Variants in PDZRN3 observed in about 807,000 individuals in gnomAD.
PDZRN3 encodes PDZ domain containing ring finger 3, also known as E3 ubiquitin-protein ligase PDZRN3.
In PDZRN3, 38 loss-of-function variants were observed where a neutral mutation model predicts 85.7. That is an observed-to-expected ratio of 0.44 (90% confidence interval 0.34 to 0.58). The LOEUF (loss-of-function observed/expected upper bound fraction) is 0.58, where lower values mean the gene tolerates loss of function less well. Among genes scored for constraint, PDZRN3 ranks in the 20% least tolerant of loss-of-function variants. The pLI, the probability that PDZRN3 is intolerant of heterozygous loss-of-function variation, is 0.01. For missense variants in PDZRN3, 1,629 were observed against 1,506.4 expected, an observed-to-expected ratio of 1.08 and a Z score of -1.35; for synonymous variants, 759 against 638.0, an observed-to-expected ratio of 1.19 and a Z score of -2.86.
At chr3:73,389,349 T>C (rs914322829) in intron 7 of PDZRN3, among the ~76,000 whole-genome samples, 21 of 152,284 alleles carry the variant, frequency 1.4e-4, no homozygotes, top group African/African-American at 5.1e-4. Context: ...TCAGAAAATT[T>C]CTAAGACTTT....
At chr3:73,493,232 T>C (rs959534918) in intron 3 of PDZRN3, among the ~76,000 whole-genome samples, 2 of 152,286 alleles carry the variant, frequency 1.3e-5, no homozygotes, top group African/African-American at 2.4e-5. Context: ...TAGACTCTTA[T>C]GTTCTACCTG....
intron 5 of PDZRN3, among the ~76,000 whole-genome samples, chr3:73,396,023 G>C (rs1701628161): frequency 6.6e-6 from 1 of 152,148 alleles, no homozygotes; most frequent in African/African-American, 2.4e-5. Context: ...AGGAGTTTGA[G>C]ACCAGCCTGG....
At chr3:73,433,551 C>T (rs1702473939) in intron 3 of PDZRN3, 7 of 830,458 alleles carry the variant, frequency 8.4e-6, no homozygotes, top group South Asian at 6.4e-5. Context: ...CAAAAACACA[C>T]ATAAAAATCC....
chr3:73,526,667 T>TTAGTTG (rs548984875), intron 3 of PDZRN3, among the ~76,000 whole-genome samples: 3 of 152,280 alleles, frequency 2.0e-5, no homozygotes, highest in Admixed American at 1.3e-4. Flanking sequence ...AAACTTTGTC[T>TTAGTTG]TAGTTGTTGT....
At chr3:73,569,574 T>G in intron 3 of PDZRN3, 1 of 1,034,602 alleles carries the variant, frequency 9.7e-7, no homozygotes, top group Non-Finnish European at 1.2e-6. Flanking sequence ...GCACACACAT[T>G]GACAGACACA....
intron 3 of PDZRN3, among the ~76,000 whole-genome samples, chr3:73,406,445 T>TGACA (rs1701856095): frequency 6.6e-6 from 1 of 152,206 alleles, no homozygotes; most frequent in African/African-American, 2.4e-5. Context: ...ATTAAATGTG[T>TGACA]GACACCAAGA....
intron 1 of PDZRN3, among the ~76,000 whole-genome samples, chr3:73,623,138 G>A (rs1575768460): frequency 6.6e-6 from 1 of 152,160 alleles, no homozygotes; most frequent in South Asian, 2.1e-4. Flanking sequence ...AGGTGGAGAT[G>A]TTAAAAATAA....
At chr3:73,502,607 A>G (rs1253943563) in intron 3 of PDZRN3, among the ~76,000 whole-genome samples, 1 of 152,228 alleles carries the variant, frequency 6.6e-6, no homozygotes, top group Non-Finnish European at 1.5e-5. Context: ...CAGAATTCCT[A>G]TTTTATGGTA....
At chr3:73,545,279 T>C (rs1403817993) in intron 3 of PDZRN3, among the ~76,000 whole-genome samples, 1 of 152,168 alleles carries the variant, frequency 6.6e-6, no homozygotes, top group Non-Finnish European at 1.5e-5. Context: ...TAGGTGATAA[T>C]AACAGCAACC....
chr3:73,459,336 T>C (rs1380311782), intron 3 of PDZRN3, among the ~76,000 whole-genome samples: 4 of 152,204 alleles, frequency 2.6e-5, no homozygotes, highest in African/African-American at 9.7e-5. Flanking sequence ...TAAGTACTTT[T>C]TAATTTTATT....
At chr3:73,432,816 T>A (rs1250292099) in intron 3 of PDZRN3, among the ~76,000 whole-genome samples, 2 of 152,212 alleles carry the variant, frequency 1.3e-5, no homozygotes, top group Non-Finnish European at 1.5e-5. Flanking sequence ...CTGGATTATT[T>A]TTTTTTTATT....
intron 3 of PDZRN3, among the ~76,000 whole-genome samples, chr3:73,478,016 C>G (rs1446221246): frequency 6.6e-6 from 1 of 152,104 alleles, no homozygotes; most frequent in African/African-American, 2.4e-5. Flanking sequence ...TCCCAAGAAA[C>G]ACGGGAATTA....
intron 3 of PDZRN3, 121 bp from the exon 4 acceptor site, chr3:73,404,516 AG>A: frequency 9.8e-7 from 1 of 1,025,524 alleles, no homozygotes; most frequent in Non-Finnish European, 1.4e-6. Context: ...TGGTGGTGTC[AG>A]AGAACTTCAG....
intron 3 of PDZRN3, among the ~76,000 whole-genome samples, chr3:73,552,965 G>T (rs1701597968): frequency 6.6e-6 from 1 of 152,136 alleles, no homozygotes; most frequent in African/African-American, 2.4e-5. Flanking sequence ...TGCTCACCAC[G>T]GTGGCTGATT....
intron 1 of PDZRN3, among the ~76,000 whole-genome samples, chr3:73,618,661 T>C (rs1007256020): frequency 1.3e-5 from 2 of 152,240 alleles, no homozygotes; most frequent in Non-Finnish European, 2.9e-5. Context: ...TTCTTACTCA[T>C]CAAATATTTT....
At chr3:73,434,081 T>C (rs1702486399) in intron 3 of PDZRN3, 1 of 406,302 alleles carries the variant, frequency 2.5e-6, no homozygotes, top group African/African-American at 2.2e-5. Flanking sequence ...CAGACAATGA[T>C]ACAGAAGCTA....
chr3:73,386,385 T>C (rs1017918394), intron 8 of PDZRN3, among the ~76,000 whole-genome samples: 4 of 152,122 alleles, frequency 2.6e-5, no homozygotes, highest in East Asian at 1.9e-4. Flanking sequence ...TTAGTAGAGA[T>C]TGGGTTTCAC....
intron 3 of PDZRN3, among the ~76,000 whole-genome samples, chr3:73,563,772 T>C (rs1701886154): frequency 6.6e-6 from 1 of 152,210 alleles, no homozygotes; most frequent in African/African-American, 2.4e-5. Flanking sequence ...AATAAACTCT[T>C]ACAACATCCT....
chr3:73,569,443 T>A (rs1418136523), intron 3 of PDZRN3: 10 of 1,136,922 alleles, frequency 8.8e-6, no homozygotes, highest in South Asian at 2.0e-5. Flanking sequence ...CACGTTCTCT[T>A]AAGCCCCGAG....
Sources: allele counts gnomAD v4.1 joint callset (sites outside exome capture counted in the v4.1 genomes callset), GRCh38; gene constraint gnomAD v4.1.1; transcripts MANE v1.5; gene names NCBI Gene and HGNC (gene_info 2026-07-23, HGNC 2026-07-21).